The following RFX1 variants were observed in gnomAD, a reference collection of about 807,000 sequenced individuals.
RFX1 encodes regulatory factor X1, also known as MHC class II regulatory factor RFX1.
Under a neutral mutation model 119.6 loss-of-function variants are expected in RFX1, and 42 were observed. The observed-to-expected ratio is 0.35, with a 90% CI of 0.27 to 0.45. RFX1 has a LOEUF of 0.45. Among genes scored for constraint, RFX1 ranks in the 20% least tolerant of loss-of-function variants. RFX1 has a pLI of 1.00. For synonymous variants in RFX1, 628 were observed against 618.5 expected, an observed-to-expected ratio of 1.02 and a Z score of -0.23; for missense variants, 1,118 against 1,368.1, an observed-to-expected ratio of 0.82 and a Z score of 2.88.
chr19:13,986,618 A>G lies in RFX1; in HGVS notation c.320-3023T>C, dbSNP rs867639971. 6.6e-6 allele frequency among the ~76,000 whole-genome samples: 1 copy of G among 152,154 alleles called. No homozygotes were observed. Among genetic ancestry groups the G allele is most frequent in the African/African-American group, 2.4e-5 (1 of 41,438 alleles). On this transcript the variant is annotated intron_variant, in intron 2 of 20. Transcript: ENST00000254325. The surrounding 1 kb of genome is among the most constrained non-coding windows in gnomAD (Gnocchi z 4.2). ...GCGAGCGTCTGCATCTATCTGCCGG[A>G]GATCGCCACTCTGGGCATGCGCAGG... is the stretch of plus-strand genomic sequence containing the variant.
Position 13,980,786 on chromosome 19 carries a change from G to T in RFX1, c.622-97C>A, listed in dbSNP as rs578238505. On this transcript the variant is annotated intron_variant, in intron 5 of 20. Coordinates refer to ENST00000254325, the MANE Select transcript of RFX1 (RefSeq NM_002918.5). This position sits in a 1 kb window ranked among gnomAD's most constrained non-coding sequence, Gnocchi z 5.1. ...CACCCTTCTCAGGAGAGCTGTCTGG[G>T]GAGGGCGGCAGTCTGTGGGGACCTA... is the stretch of plus-strand genomic sequence containing the variant. 21 of 477,526 alleles carry T rather than the reference G, an allele frequency of 4.4e-5. No homozygotes were observed. In the South Asian group the frequency reaches 6.7e-4, roughly 15 times the overall value. The allele number at this position is 477,526 out of a possible 1,614,324, so 29.6% of individuals were successfully genotyped here. A position where few individuals can be genotyped will look rare whatever the true frequency, so the allele number is the denominator to read the frequency against.
Position 13,980,747 on chromosome 19 carries a change from T to A in RFX1, c.622-58A>T. On this transcript the variant is annotated intron_variant, in intron 5 of 20. Transcript: ENST00000254325. The surrounding 1 kb of genome is among the most constrained non-coding windows in gnomAD (Gnocchi z 5.1). ...GGGTGGGCTTGCATCCTCTCTGAGG[T>A]GGGCTCACACACACACCCTTCTCAG... is the stretch of plus-strand genomic sequence containing the variant. 9.6e-7 allele frequency: 1 copy of A among 1,045,652 alleles called. No individual in the cohort carries two copies. Among genetic ancestry groups the A allele is most frequent in the Non-Finnish European group, 1.4e-6 (1 of 706,476 alleles). 64.8% of individuals were successfully genotyped at this position (1,045,652 alleles called of 1,614,324 possible). A position where few individuals can be genotyped will look rare whatever the true frequency, so the allele number is the denominator to read the frequency against.
rs1168644638 is a variant in RFX1, at chr19:13,969,047, C to T, written c.1497-153G>A. 6.6e-6 allele frequency among the ~76,000 whole-genome samples: 1 copy of T among 152,208 alleles called. No homozygotes were observed. Among genetic ancestry groups the T allele is most frequent in the East Asian group, 1.9e-4 (1 of 5,186 alleles). On this transcript the variant is annotated intron_variant, in intron 10 of 20. Transcript: ENST00000254325. This position sits in a 1 kb window ranked among gnomAD's most constrained non-coding sequence, Gnocchi z 4.5. ...ACGGGGGTGCTGCACTGAGGAGGCA[C>T]AGGGGCTGTGGGTGTCAGGAGAGAT...
At chr19:13,999,664 GTGTTTTTTTTT>G (rs1278045553) in intron 1 of RFX1, among the ~76,000 whole-genome samples, 25 of 149,044 alleles carry the variant, frequency 1.7e-4, no homozygotes, top group African/African-American at 3.9e-4. Flanking sequence ...GTTGAACCCT[GTGTTTTTTTTT>G]TGTTTTTTTT....
In RFX1 at chr19:13,993,827, T is replaced by G. The variant is rs754885635; in HGVS notation, c.17A>C (p.Tyr6Ser). MATQA[Y>S]TELQAAPPPS... Reference sequence around the variant, plus strand: ...TGGCGGGGCTGCCTGTAGCTCAGTATACGCCTGTGTTGCCATGCCAACGGT... The same window carrying G: ...TGGCGGGGCTGCCTGTAGCTCAGTAGACGCCTGTGTTGCCATGCCAACGGT... Residue 6 changes from tyrosine to serine, a missense_variant, in exon 2 of 21, where the codon TAT (tyrosine) becomes TCT (serine). By Grantham distance (144) the Tyr-to-Ser change is moderately radical. This residue lies in a region of RFX1 where 542 missense variants were observed against 602.7 expected (regional missense o/e 0.90). Transcript: ENST00000254325. The G allele has an allele frequency of 6.3e-7, 1 of 1,578,148 alleles. No individual in the cohort carries two copies. The highest frequency in any genetic ancestry group is 1.9e-5 in the Admixed American group (1 of 52,840).
At position 13,962,625 on chromosome 19, in the gene RFX1, G is replaced by A; in HGVS notation, c.*70C>T. 8.2e-7 allele frequency: 1 copy of A among 1,215,346 alleles called. No individual in the cohort carries two copies. Among genetic ancestry groups the A allele is most frequent in the South Asian group, 1.5e-5 (1 of 65,906 alleles). 75.3% of individuals were successfully genotyped at this position (1,215,346 alleles called of 1,614,324 possible). A position where few individuals can be genotyped will look rare whatever the true frequency, so the allele number is the denominator to read the frequency against. On this transcript the variant is annotated 3_prime_UTR_variant, in exon 21 of 21. Coordinates refer to ENST00000254325, the MANE Select transcript of RFX1 (RefSeq NM_002918.5). Reference sequence around the variant, plus strand: ...CTGAGGCTGGAGCAGTGACCACGAAGCCACAGAAGCTTTGAGGGACCCTGG... The same window carrying A: ...CTGAGGCTGGAGCAGTGACCACGAAACCACAGAAGCTTTGAGGGACCCTGG...
chr19:13,992,296 T>C (rs1392357648), intron 2 of RFX1, among the ~76,000 whole-genome samples: 1 of 152,100 alleles, frequency 6.6e-6, no homozygotes, highest in Non-Finnish European at 1.5e-5. Flanking sequence ...CACACGAATC[T>C]AGCCTAATGC....
At chr19:13,994,065 T>C (rs913073310) in intron 1 of RFX1, among the ~76,000 whole-genome samples, 170 bp from the exon 2 acceptor site, 4 of 151,846 alleles carry the variant, frequency 2.6e-5, no homozygotes, top group African/African-American at 9.7e-5. Flanking sequence ...GCCAGAAATA[T>C]CCAACCCGTC....
At chr19:13,989,041 A>C (rs1310281302) in intron 2 of RFX1, among the ~76,000 whole-genome samples, 1 of 152,072 alleles carries the variant, frequency 6.6e-6, no homozygotes, top group Non-Finnish European at 1.5e-5. Flanking sequence ...AAACAAGAAG[A>C]CAGAGAGTGA....
chr19:14,004,381 G>A (rs1008390590), intron 1 of RFX1, among the ~76,000 whole-genome samples: 1 of 152,138 alleles, frequency 6.6e-6, no homozygotes, highest in Non-Finnish European at 1.5e-5. Flanking sequence ...GATGGCGAGC[G>A]CCTGTAGTCC....
In RFX1 at chr19:13,962,582, T is replaced by G; in HGVS notation, c.*113A>C. 1 of 848,656 alleles carries G rather than the reference T, an allele frequency of 1.2e-6. No individual in the cohort carries two copies. Among genetic ancestry groups the G allele is most frequent in the Admixed American group, 3.7e-5 (1 of 27,390 alleles). 52.6% of individuals were successfully genotyped at this position (848,656 alleles called of 1,614,324 possible). A position where few individuals can be genotyped will look rare whatever the true frequency, so the allele number is the denominator to read the frequency against. ...GGCCCCGGTCTTCCCTGTCTCGGAGTCCCCCTCCCTGCCCTGGCTGAGGCT... is the reference window on the plus strand; with the variant it reads ...GGCCCCGGTCTTCCCTGTCTCGGAGGCCCCCTCCCTGCCCTGGCTGAGGCT... On this transcript the variant is annotated 3_prime_UTR_variant, in exon 21 of 21. Transcript: ENST00000254325.
intron 5 of RFX1, among the ~76,000 whole-genome samples, chr19:13,981,353 T>C (rs1974425813): frequency 6.6e-6 from 1 of 152,108 alleles, no homozygotes; most frequent in Non-Finnish European, 1.5e-5. Context: ...CCCAGCACTT[T>C]GGAAGGCTGA....
At chr19:13,987,746 C>A (rs1213149682) in intron 2 of RFX1, among the ~76,000 whole-genome samples, 1 of 152,170 alleles carries the variant, frequency 6.6e-6, no homozygotes, top group Non-Finnish European at 1.5e-5. Context: ...CAGGCTGGCA[C>A]CTGCCAGAAT....
chr19:13,994,575 C>T (rs889256718), intron 1 of RFX1, among the ~76,000 whole-genome samples: 30 of 151,522 alleles, frequency 2.0e-4, no homozygotes, highest in Non-Finnish European at 3.1e-4. Context: ...ATTTGCTGGG[C>T]GTGGTGGTGC....
chr19:13,993,051 G>A (rs1568479479), intron 2 of RFX1, among the ~76,000 whole-genome samples: 1 of 152,110 alleles, frequency 6.6e-6, no homozygotes, highest in African/African-American at 2.4e-5. Flanking sequence ...GAGGTGGGAG[G>A]ATCATTTGAG....
At chr19:13,991,825 C>T (rs898782410) in intron 2 of RFX1, among the ~76,000 whole-genome samples, 2 of 152,068 alleles carry the variant, frequency 1.3e-5, no homozygotes. Context: ...CCACGCCCAG[C>T]TAATTTTTAT....
At chr19:13,962,891 C>T (rs1401137925) in intron 20 of RFX1, 27 bp from the exon 21 acceptor site, 22 of 1,534,334 alleles carry the variant, frequency 1.4e-5, no homozygotes, top group Non-Finnish European at 1.8e-5. Flanking sequence ...AAGTCCGGCT[C>T]GGGGCGGGGT....
intron 7 of RFX1, among the ~76,000 whole-genome samples, chr19:13,979,003 G>A (rs2145580281): frequency 6.6e-6 from 1 of 151,742 alleles, no homozygotes; most frequent in South Asian, 2.1e-4. Context: ...GGGCGGCCGG[G>A]GCGGCGGCTC....
chr19:13,986,510 C>T lies in RFX1; in HGVS notation c.320-2915G>A, dbSNP rs1974598920. 6.6e-6 allele frequency among the ~76,000 whole-genome samples: 1 copy of T among 152,164 alleles called. No homozygotes were observed. Among genetic ancestry groups the T allele is most frequent in the Non-Finnish European group, 1.5e-5 (1 of 68,014 alleles). On this transcript the variant is annotated intron_variant, in intron 2 of 20. Transcript: ENST00000254325. The surrounding 1 kb of genome is among the most constrained non-coding windows in gnomAD (Gnocchi z 4.2). ...GTCTGCCTGCGGCCGGGGCAGGGCC[C>T]CTCCACCACTGGGTCTGGCCCTCGC...
Sources: gnomAD v4.1 joint callset for allele counts (sites outside exome capture counted in the v4.1 genomes callset) on GRCh38, gnomAD v4.1.1 for gene constraint, gnomAD v4.1.1 regional missense constraint, Gnocchi (gnomAD v3.1) non-coding constraint, MANE v1.5 for transcripts, NCBI Gene and HGNC (gene_info 2026-07-23, HGNC 2026-07-21) for gene names.